The following CSMD3 variants were observed in gnomAD, a reference collection of about 807,000 sequenced individuals.
CSMD3 encodes CUB and sushi domain-containing protein 3.
In CSMD3, 177 loss-of-function variants were observed where a neutral mutation model predicts 435.2. The ratio of observed to expected loss-of-function variants is 0.41; its 90% CI spans 0.36 to 0.46. The LOEUF is 0.46. Ranked by LOEUF, CSMD3 falls within the 20% of genes least tolerant of loss-of-function variation. CSMD3 has a pLI of 0.34. For synonymous variants in CSMD3, 1,656 were observed against 1,520.5 expected (o/e 1.09, Z -2.07); for missense variants, 4,265 against 4,504.6 (o/e 0.95, Z 1.52).
intron 69 of CSMD3, among the ~76,000 whole-genome samples, chr8:112,230,515 A>G (rs1004935399): frequency 5.9e-5 from 9 of 152,180 alleles, no homozygotes; most frequent in African/African-American, 1.9e-4. Context: ...TTGGCTGGGC[A>G]TGGTGGCTCA....
At chr8:112,455,585 A>T (rs1816746883) in intron 32 of CSMD3, among the ~76,000 whole-genome samples, 1 of 116,336 alleles carries the variant, frequency 8.6e-6, no homozygotes, top group South Asian at 3.0e-4. Context: ...TTATAAAAAT[A>T]AGTAAGTAAA....
chr8:112,640,218 C>T (rs2074785358), intron 20 of CSMD3, among the ~76,000 whole-genome samples: 1 of 152,096 alleles, frequency 6.6e-6, no homozygotes, highest in African/African-American at 2.4e-5. Context: ...ATACACACAA[C>T]ACACTGTGTG....
intron 5 of CSMD3, among the ~76,000 whole-genome samples, chr8:113,069,784 G>A (rs1019531832): frequency 6.6e-6 from 1 of 152,098 alleles, no homozygotes; most frequent in Admixed American, 6.6e-5. Flanking sequence ...TAGAAGACAT[G>A]CCACTTTCAA....
intron 13 of CSMD3, among the ~76,000 whole-genome samples, chr8:112,783,959 G>T: frequency 6.6e-6 from 1 of 152,046 alleles, no homozygotes; most frequent in East Asian, 1.9e-4. Flanking sequence ...AAATATTAGT[G>T]CTAAAGAAAG....
intron 47 of CSMD3, among the ~76,000 whole-genome samples, chr8:112,316,395 A>G (rs1822465271): frequency 6.6e-6 from 1 of 151,848 alleles, no homozygotes; most frequent in African/African-American, 2.4e-5. Flanking sequence ...AGAAATAGAT[A>G]AACCTGAAGA....
At chr8:113,404,970 T>G (rs1291322574) in intron 1 of CSMD3, among the ~76,000 whole-genome samples, 1 of 151,508 alleles carries the variant, frequency 6.6e-6, no homozygotes, top group Non-Finnish European at 1.5e-5. Context: ...AACAAAATAA[T>G]TCTAGGTCAA....
At chr8:112,226,867 C>G (rs1812609492) in intron 70 of CSMD3, among the ~76,000 whole-genome samples, 1 of 152,060 alleles carries the variant, frequency 6.6e-6, no homozygotes, top group African/African-American at 2.4e-5. Context: ...TTCACATGCA[C>G]TAGGATGGCT....
intron 13 of CSMD3, among the ~76,000 whole-genome samples, chr8:112,731,291 A>G (rs991001145): frequency 1.3e-5 from 2 of 152,156 alleles, no homozygotes; most frequent in African/African-American, 2.4e-5. Context: ...AGTGATAGTC[A>G]TTTTTTAAAA....
chr8:113,030,546 T>C (rs1314148114), intron 5 of CSMD3, among the ~76,000 whole-genome samples: 9 of 150,724 alleles, frequency 6.0e-5, no homozygotes, highest in African/African-American at 2.2e-4. Flanking sequence ...ATCATGGACT[T>C]AAAAGTAAAT....
At chr8:113,330,740 A>G (rs904961325) in intron 1 of CSMD3, among the ~76,000 whole-genome samples, 2 of 151,944 alleles carry the variant, frequency 1.3e-5, no homozygotes, top group Non-Finnish European at 2.9e-5. Context: ...TAATAAAAAA[A>G]TATGAAAATA....
intron 3 of CSMD3, among the ~76,000 whole-genome samples, chr8:113,176,108 C>T (rs1447216845): frequency 2.0e-5 from 3 of 152,012 alleles, no homozygotes; most frequent in African/African-American, 2.4e-5. Context: ...CCTGCCTTAT[C>T]GCTTAATTAC....
At chr8:113,232,153 A>G (rs2093096142) in intron 3 of CSMD3, among the ~76,000 whole-genome samples, 1 of 151,598 alleles carries the variant, frequency 6.6e-6, no homozygotes, top group Non-Finnish European at 1.5e-5. Flanking sequence ...GGTACCTTCC[A>G]TGTACTTTTC....
At chr8:112,763,322 A>G (rs2077890452) in intron 13 of CSMD3, among the ~76,000 whole-genome samples, 1 of 151,398 alleles carries the variant, frequency 6.6e-6, no homozygotes, top group Non-Finnish European at 1.5e-5. Flanking sequence ...AATATTAACA[A>G]TTTGGTACAG....
chr8:113,128,087 C>T (rs1473185324), intron 4 of CSMD3, among the ~76,000 whole-genome samples: 1 of 152,084 alleles, frequency 6.6e-6, no homozygotes, highest in Non-Finnish European at 1.5e-5. Context: ...CTACATTATT[C>T]TTCATTTCAG....
rs1361125342 is a variant in CSMD3, at chr8:112,301,850, C to G, written c.8383G>C (p.Ala2795Pro). 6.2e-7 allele frequency: 1 copy of G among 1,613,840 alleles called. No homozygotes were observed. The highest frequency in any genetic ancestry group is 8.5e-7 in the Non-Finnish European group (1 of 1,179,838). ...CDLGFMLVGS[A>P]VRECLSSGLW... is the part of the protein sequence containing the mutation. ...CCTGAGGAAAGGCATTCCCTTACAG[C>G]AGAGCCCACAAGCATGAATCCCAAG... Residue 2795 changes from alanine to proline, a missense_variant, in exon 53 of 71, where the codon GCT (alanine) becomes CCT (proline). Physicochemically the swap from Ala to Pro is conservative, Grantham distance 27 (BLOSUM62 -1). Coordinates refer to ENST00000297405, the MANE Select transcript of CSMD3 (RefSeq NM_198123.2).
intron 70 of CSMD3, among the ~76,000 whole-genome samples, chr8:112,225,307 A>G (rs1812464267): frequency 6.6e-6 from 1 of 152,144 alleles, no homozygotes; most frequent in Non-Finnish European, 1.5e-5. Flanking sequence ...TTTACTGAAC[A>G]TCTATTATGC....
chr8:112,617,384 T>A (rs778822508), intron 22 of CSMD3, among the ~76,000 whole-genome samples: 12 of 152,176 alleles, frequency 7.9e-5, no homozygotes, highest in Non-Finnish European at 1.5e-4. Context: ...ACCAGATAAG[T>A]GCATGAATTA....
intron 9 of CSMD3, among the ~76,000 whole-genome samples, chr8:112,940,862 A>T (rs2083431112): frequency 6.6e-6 from 1 of 151,902 alleles, no homozygotes; most frequent in South Asian, 2.1e-4. Context: ...GTCCTGCTAC[A>T]GTCATGTGAT....
At chr8:113,249,726 G>A (rs2093316778) in intron 3 of CSMD3, among the ~76,000 whole-genome samples, 1 of 151,538 alleles carries the variant, frequency 6.6e-6, no homozygotes, top group Non-Finnish European at 1.5e-5. Flanking sequence ...CTGTTACATT[G>A]TTACATTATT....
Sources: gnomAD v4.1 joint callset for allele counts (sites outside exome capture counted in the v4.1 genomes callset) on GRCh38, gnomAD v4.1.1 for gene constraint, MANE v1.5 for transcripts, NCBI Gene and HGNC (gene_info 2026-07-23, HGNC 2026-07-21) for gene names.